Variants in OSBPL8 observed in about 807,000 individuals in gnomAD.
The protein encoded by OSBPL8 is oxysterol-binding protein-related protein 8.
OSBPL8 carries 59 observed loss-of-function variants against 125.5 expected under a neutral mutation model. The ratio of observed to expected loss-of-function variants is 0.47; its 90% CI spans 0.38 to 0.58. The LOEUF (loss-of-function observed/expected upper bound fraction) is 0.58, where lower values mean the gene tolerates loss of function less well. Ranked by LOEUF, OSBPL8 falls within the 20% of genes least tolerant of loss-of-function variation. The pLI is 0.00. For synonymous variants in OSBPL8, 330 were observed against 338.9 expected (o/e 0.97, Z 0.29); for missense variants, 758 against 1,047.8 (o/e 0.72, Z 3.82).
chr12:76,539,291 C>A (rs78872407), intron 1 of OSBPL8, among the ~76,000 whole-genome samples: 2 of 151,128 alleles, frequency 1.3e-5, no homozygotes, highest in Non-Finnish European at 3.0e-5. Context: ...TTAATAAAAC[C>A]CTATGCAGAA....
intron 1 of OSBPL8, among the ~76,000 whole-genome samples, chr12:76,488,478 G>T (rs1878389240): frequency 6.6e-6 from 1 of 152,206 alleles, no homozygotes; most frequent in Non-Finnish European, 1.5e-5. Context: ...CTTGCAGCAA[G>T]TAAGTCTATC....
At chr12:76,557,771 G>C (rs944605474) in intron 1 of OSBPL8, among the ~76,000 whole-genome samples, 3 of 151,944 alleles carry the variant, frequency 2.0e-5, no homozygotes, top group African/African-American at 7.3e-5. Flanking sequence ...ATGAACCAAG[G>C]AACTGAATAT....
At position 76,546,126 on chromosome 12, in the gene OSBPL8, G is replaced by A. The variant is rs1054106294; in HGVS notation, c.-68+13271C>T. 2.0e-5 allele frequency among the ~76,000 whole-genome samples: 3 copies of A among 152,132 alleles called. No homozygotes were observed. The East Asian group carries it at 5.8e-4, about 29-fold the overall frequency. On this transcript the variant is annotated intron_variant, in intron 1 of 23. Coordinates refer to ENST00000261183, the MANE Select transcript of OSBPL8 (RefSeq NM_020841.5). Reference sequence around the variant, plus strand: ...GCACGGATTTTGTGTTACGTTGGGGGTCCTGGAACCAATTCCCTGCTTATA... The same window carrying A: ...GCACGGATTTTGTGTTACGTTGGGGATCCTGGAACCAATTCCCTGCTTATA...
rs1464349488 is a variant in OSBPL8 at position 76,408,647 on chromosome 12, T to C, written c.288+1917A>G. Among the ~76,000 whole-genome samples, 3 of 152,100 alleles carry C rather than the reference T, an allele frequency of 2.0e-5. No individual in the cohort carries two copies. In the East Asian group the frequency reaches 5.8e-4, roughly 29 times the overall value. On this transcript the variant is annotated intron_variant, in intron 5 of 23. Transcript: ENST00000261183. Reference sequence around the variant, plus strand: ...TCCAGTGTGGCAGCCACTAGCCATATGTGGTTACTGGGCATTTAAGGTGTG... The same window carrying C: ...TCCAGTGTGGCAGCCACTAGCCATACGTGGTTACTGGGCATTTAAGGTGTG...
intron 1 of OSBPL8, among the ~76,000 whole-genome samples, chr12:76,549,832 C>A (rs190097930): frequency 2.0e-5 from 3 of 151,958 alleles, no homozygotes; most frequent in Admixed American, 1.3e-4. Flanking sequence ...GACTTTTTTA[C>A]ACAGAATTCG....
intron 1 of OSBPL8, among the ~76,000 whole-genome samples, chr12:76,499,174 T>A (rs928348010): frequency 2.0e-5 from 3 of 152,158 alleles, no homozygotes; most frequent in African/African-American, 7.2e-5. Context: ...CAGTGCTGGA[T>A]GCTTCCTGCC....
At chr12:76,466,650 G>A (rs1328128888) in intron 2 of OSBPL8, among the ~76,000 whole-genome samples, 2 of 152,064 alleles carry the variant, frequency 1.3e-5, no homozygotes, top group African/African-American at 4.8e-5. Context: ...ACTGAAAATT[G>A]AACCCTTTTT....
At chr12:76,428,519 C>T (rs547385597) in intron 4 of OSBPL8, among the ~76,000 whole-genome samples, 1 of 152,088 alleles carries the variant, frequency 6.6e-6, no homozygotes, top group South Asian at 2.1e-4. Flanking sequence ...CATTGAATTA[C>T]ATTAGGATGA....
intron 5 of OSBPL8, among the ~76,000 whole-genome samples, chr12:76,407,617 A>C (rs1053474567): frequency 3.9e-5 from 6 of 152,250 alleles, no homozygotes; most frequent in African/African-American, 1.2e-4. Flanking sequence ...AACTAAGATT[A>C]AATCTAAATT....
intron 21 of OSBPL8, chr12:76,366,563 A>G: frequency 2.2e-6 from 1 of 446,508 alleles, no homozygotes; most frequent in South Asian, 1.6e-5. Context: ...AATCTTCATT[A>G]TTTTCTTCTT....
intron 4 of OSBPL8, among the ~76,000 whole-genome samples, chr12:76,446,492 A>G (rs897078599): frequency 5.3e-5 from 8 of 152,270 alleles, no homozygotes; most frequent in African/African-American, 1.7e-4. Context: ...AAACTTACCT[A>G]GGAACATTTA....
intron 20 of OSBPL8, 91 bp downstream of exon 20, chr12:76,369,546 T>C: frequency 7.1e-7 from 1 of 1,417,868 alleles, no homozygotes; most frequent in Non-Finnish European, 9.5e-7. Context: ...TTTAATTAAA[T>C]AAAAACTACT....
intron 1 of OSBPL8, among the ~76,000 whole-genome samples, chr12:76,551,845 T>C (rs1035829858): frequency 1.3e-5 from 2 of 152,226 alleles, no homozygotes; most frequent in African/African-American, 4.8e-5. Flanking sequence ...CAACACTAGC[T>C]GCTTAACAAA....
chr12:76,501,101 A>C (rs1309055871), intron 1 of OSBPL8, among the ~76,000 whole-genome samples: 1 of 152,152 alleles, frequency 6.6e-6, no homozygotes, highest in East Asian at 1.9e-4. Flanking sequence ...CTTTACACAC[A>C]CACACACACA....
intron 21 of OSBPL8, among the ~76,000 whole-genome samples, chr12:76,362,979 G>A (rs1231110588): frequency 6.6e-6 from 1 of 152,206 alleles, no homozygotes; most frequent in Admixed American, 6.5e-5. Flanking sequence ...TACAAGGGAT[G>A]TGAAGGACCT....
intron 4 of OSBPL8, among the ~76,000 whole-genome samples, chr12:76,442,185 C>A (rs1872269179): frequency 1.3e-5 from 2 of 152,064 alleles, no homozygotes; most frequent in Admixed American, 1.3e-4. Flanking sequence ...GACAGCTGCC[C>A]CCTATCTTTG....
At chr12:76,506,712 A>G (rs79451675) in intron 1 of OSBPL8, among the ~76,000 whole-genome samples, 1,964 of 152,328 alleles carry the variant, frequency 0.013, 21 homozygotes, top group Middle Eastern at 0.037. Context: ...ACCTTTGATA[A>G]CAGTTAAGAA....
At chr12:76,544,668 T>A (rs936237421) in intron 1 of OSBPL8, among the ~76,000 whole-genome samples, 1 of 152,100 alleles carries the variant, frequency 6.6e-6, no homozygotes, top group African/African-American at 2.4e-5. Flanking sequence ...TTAAGAAATG[T>A]AACAAATTTT....
chr12:76,445,667 A>G (rs917982791), intron 4 of OSBPL8, among the ~76,000 whole-genome samples: 1 of 152,116 alleles, frequency 6.6e-6, no homozygotes, highest in Non-Finnish European at 1.5e-5. Context: ...ACCACAATAT[A>G]CCACTAAACA....
Sources: allele counts gnomAD v4.1 joint callset (sites outside exome capture counted in the v4.1 genomes callset), GRCh38; gene constraint gnomAD v4.1.1; transcripts MANE v1.5; gene names NCBI Gene and HGNC (gene_info 2026-07-23, HGNC 2026-07-21).